Variants in GUCA1C observed in about 807,000 individuals in gnomAD.
GUCA1C encodes the protein guanylyl cyclase-activating protein 3.
GUCA1C carries 15 observed loss-of-function variants against 16.2 expected under a neutral mutation model. That is an observed-to-expected ratio of 0.93 (90% confidence interval 0.62 to 1.43). GUCA1C has a LOEUF of 1.43. GUCA1C is among the 40% of genes most tolerant of loss of function. GUCA1C has a pLI of 0.00. For missense variants in GUCA1C, 275 were observed against 244.8 expected (o/e 1.12, Z -0.82); for synonymous variants, 78 against 85.4 (o/e 0.91, Z 0.48).
At chr3:108,941,842 T>C (rs1452909192) in intron 1 of GUCA1C, among the ~76,000 whole-genome samples, 1 of 152,208 alleles carries the variant, frequency 6.6e-6, no homozygotes, top group Admixed American at 6.5e-5. Flanking sequence ...ATTTCTCAGC[T>C]AGGATGTAAG....
chr3:108,915,914 A>G, intron 3 of GUCA1C: 1 of 567,536 alleles, frequency 1.8e-6, no homozygotes, highest in Non-Finnish European at 3.0e-6. Context: ...ATATATCCCA[A>G]CATGTCAAGC....
intron 1 of GUCA1C, among the ~76,000 whole-genome samples, chr3:108,926,061 T>C (rs1019451311): frequency 6.6e-6 from 1 of 151,820 alleles, no homozygotes; most frequent in African/African-American, 2.4e-5. Flanking sequence ...CACTCCAGCC[T>C]GGGTGACAGA....
chr3:108,932,337 A>AC (rs1559845192), intron 1 of GUCA1C, among the ~76,000 whole-genome samples: 5 of 108,462 alleles, frequency 4.6e-5, no homozygotes, highest in African/African-American at 2.1e-4. Context: ...AAAAAAAAAA[A>AC]AACAAAAAAA....
chr3:108,936,770 G>A (rs1363596131), intron 1 of GUCA1C, among the ~76,000 whole-genome samples: 1 of 152,106 alleles, frequency 6.6e-6, no homozygotes, highest in East Asian at 1.9e-4. Flanking sequence ...CTGCACCTTG[G>A]AGCCTGTGTT....
At chr3:108,925,332 A>G (rs374295842) in intron 1 of GUCA1C, among the ~76,000 whole-genome samples, 1 of 152,280 alleles carries the variant, frequency 6.6e-6, no homozygotes, top group East Asian at 1.9e-4. Context: ...CACTATTATC[A>G]TTCAGTTCAA....
In GUCA1C at chr3:108,908,139, C is replaced by G; in HGVS notation, c.513G>C (p.Lys171Asn). 3 of 1,613,796 alleles carry G rather than the reference C, an allele frequency of 1.9e-6. No homozygotes were observed. Among genetic ancestry groups the G allele is most frequent in the Non-Finnish European group, 2.5e-6 (3 of 1,179,702 alleles). Reference protein sequence around the residue: ...KDQDLLEIVYKSFDFSNVLRV... With the variant: ...KDQDLLEIVYNSFDFSNVLRV... ...TCAGCACATTGGAGAAGTCGAAGCT[C>G]TTGTAAACAATCTCCAGGAGATCCT... Residue 171 changes from lysine (K) to asparagine (N), a missense_variant, in exon 4 of 4, where the codon AAG becomes AAC. By Grantham distance (94) the Lys-to-Asn change is moderately conservative. Transcript: ENST00000261047.
intron 1 of GUCA1C, among the ~76,000 whole-genome samples, chr3:108,927,432 CTTTTTTT>C (rs55930777): frequency 3.1e-5 from 4 of 128,274 alleles, no homozygotes; most frequent in Admixed American, 7.8e-5. Flanking sequence ...TTTTTTAATT[CTTTTTTT>C]TTTTTTTTTG....
chr3:108,923,607 T>A lies in GUCA1C; in HGVS notation c.205-3022A>T, dbSNP rs574724531. Reference sequence around the variant, plus strand: ...ATGACGTCTCTATATTTGTTCTTTCTGCTTCATCTTGATTTAGCTATGCAG... The same window carrying A: ...ATGACGTCTCTATATTTGTTCTTTCAGCTTCATCTTGATTTAGCTATGCAG... On this transcript the variant is annotated intron_variant, in intron 1 of 3. Coordinates refer to ENST00000261047, the MANE Select transcript of GUCA1C (RefSeq NM_005459.4). 1.8e-3 allele frequency among the ~76,000 whole-genome samples: 276 copies of A among 152,362 alleles called. 1 individual carries two copies. Among genetic ancestry groups the A allele is most frequent in the Non-Finnish European group, 1.8e-3 (123 of 68,032 alleles).
At chr3:108,913,800 G>T (rs1002438034) in intron 3 of GUCA1C, among the ~76,000 whole-genome samples, 5 of 152,032 alleles carry the variant, frequency 3.3e-5, no homozygotes, top group African/African-American at 9.7e-5. Flanking sequence ...GGGCACGGTG[G>T]CTCACACCTG....
intron 1 of GUCA1C, among the ~76,000 whole-genome samples, chr3:108,943,393 G>A (rs1022551000): frequency 6.6e-6 from 1 of 152,198 alleles, no homozygotes; most frequent in Non-Finnish European, 1.5e-5. Context: ...AGAAAAGGCT[G>A]TAGGTGTATG....
At chr3:108,912,782 TTTTC>T (rs1946469739) in intron 3 of GUCA1C, among the ~76,000 whole-genome samples, 1 of 152,020 alleles carries the variant, frequency 6.6e-6, no homozygotes, top group African/African-American at 2.4e-5. Flanking sequence ...TGATTTAATC[TTTTC>T]TTTATTTCTT....
chr3:108,939,599 T>C (rs567810951), intron 1 of GUCA1C, among the ~76,000 whole-genome samples: 1 of 151,784 alleles, frequency 6.6e-6, no homozygotes, highest in Admixed American at 6.6e-5. Context: ...AGTGTTGGGA[T>C]TACAGGCATG....
chr3:108,911,662 G>C (rs1559838843), intron 3 of GUCA1C, among the ~76,000 whole-genome samples: 1 of 152,166 alleles, frequency 6.6e-6, no homozygotes, highest in African/African-American at 2.4e-5. Flanking sequence ...TTATCTCCTG[G>C]TAATTCTCGT....
chr3:108,940,214 C>A (rs564854378), intron 1 of GUCA1C, among the ~76,000 whole-genome samples: 21 of 152,260 alleles, frequency 1.4e-4, no homozygotes, highest in African/African-American at 4.8e-4. Flanking sequence ...TAATGATTTA[C>A]AATGTAATAT....
chr3:108,923,091 C>G (rs1360774529), intron 1 of GUCA1C, among the ~76,000 whole-genome samples: 1 of 152,120 alleles, frequency 6.6e-6, no homozygotes, highest in Non-Finnish European at 1.5e-5. Context: ...GTCGAATGTA[C>G]AGATTGTGAT....
Position 108,910,047 on chromosome 3 carries a change from C to T in GUCA1C, c.443-1838G>A, listed in dbSNP as rs1559838328. On this transcript the variant is annotated intron_variant, in intron 3 of 3. Transcript: ENST00000261047. ...ATGGTAGGTGCTCAGAAGGCACACA[C>T]TGACTAATTGCCTTCCTTTATCTGA... 3.9e-5 allele frequency among the ~76,000 whole-genome samples: 6 copies of T among 152,234 alleles called. No homozygotes were observed. In the South Asian group the frequency reaches 1.0e-3, roughly 26 times the overall value.
intron 1 of GUCA1C, among the ~76,000 whole-genome samples, chr3:108,925,105 A>ATT (rs35186519): frequency 0.011 from 1,676 of 147,956 alleles, 11 homozygotes; most frequent in Middle Eastern, 0.021. Context: ...TACCTTTTGT[A>ATT]TTTTTTTTTT....
At chr3:108,932,322 CCA>C (rs1946675491) in intron 1 of GUCA1C, among the ~76,000 whole-genome samples, 1 of 64,112 alleles carries the variant, frequency 1.6e-5, no homozygotes, top group African/African-American at 6.3e-5. Context: ...AGACCTCCCA[CCA>C]AAAAAAAAAA....
intron 1 of GUCA1C, among the ~76,000 whole-genome samples, chr3:108,924,074 A>G (rs1289510040): frequency 6.6e-6 from 1 of 152,108 alleles, no homozygotes; most frequent in Non-Finnish European, 1.5e-5. Context: ...TTCTTTAGGT[A>G]TATGATCACA....
Sources: gnomAD v4.1 joint callset for allele counts (sites outside exome capture counted in the v4.1 genomes callset) on GRCh38, gnomAD v4.1.1 for gene constraint, MANE v1.5 for transcripts, NCBI Gene and HGNC (gene_info 2026-07-23, HGNC 2026-07-21) for gene names.